Variants in ZHX2 observed in about 807,000 individuals in gnomAD.
The protein encoded by ZHX2 is zinc fingers and homeoboxes 2, also known as zinc fingers and homeoboxes protein 2.
A neutral mutation model predicts 21.9 loss-of-function variants in ZHX2; 6 were observed. The ratio of observed to expected loss-of-function variants is 0.27; its 90% CI spans 0.15 to 0.54. ZHX2 has a LOEUF of 0.54. ZHX2 is among the 20% of genes least tolerant of loss of function. The pLI is 0.95. For synonymous variants in ZHX2, 434 were observed against 437.1 expected (o/e 0.99, Z 0.09); for missense variants, 908 against 1,090.7 (o/e 0.83, Z 2.36).
chr8:122,800,335 G>C (rs902338754), intron 1 of ZHX2, among the ~76,000 whole-genome samples: 4 of 152,170 alleles, frequency 2.6e-5, no homozygotes, highest in African/African-American at 4.8e-5. Context: ...CTGGGTTCAC[G>C]TAGTAGCTAT....
chr8:122,940,860 A>T (rs1812824656), intron 2 of ZHX2, among the ~76,000 whole-genome samples: 1 of 152,026 alleles, frequency 6.6e-6, no homozygotes, highest in Admixed American at 6.6e-5. Context: ...AAGCCATCGA[A>T]CCTCTCTGAG....
At chr8:122,891,842 A>G (rs1056565514) in intron 2 of ZHX2, among the ~76,000 whole-genome samples, 1 of 152,214 alleles carries the variant, frequency 6.6e-6, no homozygotes, top group Non-Finnish European at 1.5e-5. Context: ...GGCCTAATGT[A>G]TGGTCTATCC....
chr8:122,876,105 A>C (rs1586351340), intron 2 of ZHX2, among the ~76,000 whole-genome samples: 2 of 96,062 alleles, frequency 2.1e-5, no homozygotes, highest in Admixed American at 1.4e-4. Flanking sequence ...CCACCTACTC[A>C]CTCATCCATC....
chr8:122,938,455 G>T (rs1279145027), intron 2 of ZHX2, among the ~76,000 whole-genome samples: 1 of 152,122 alleles, frequency 6.6e-6, no homozygotes, highest in Non-Finnish European at 1.5e-5. Context: ...CTTTGGGATG[G>T]ATGAGTTCAC....
chr8:122,901,695 G>A (rs575182638), intron 2 of ZHX2, among the ~76,000 whole-genome samples: 7 of 152,212 alleles, frequency 4.6e-5, no homozygotes, highest in East Asian at 3.9e-4. Context: ...ATTTGGGGCC[G>A]GTTAGTTCTT....
In ZHX2 at chr8:122,884,746, C is replaced by G. The variant is rs909661039; in HGVS notation, c.-220+21207C>G. Among the ~76,000 whole-genome samples the G allele has an allele frequency of 7.9e-5, 12 of 152,254 alleles. No individual in the cohort carries two copies. In the South Asian group the frequency reaches 2.3e-3, roughly 29 times the overall value. The stretch of plus-strand genomic sequence containing the variant: ...GCAGGGTGCAGTGGGCCAAGCAGAC[C>G]TGTGGGAGCATGTGAGCCCGGTCCA... On this transcript the variant is annotated intron_variant, in intron 2 of 3. Coordinates refer to ENST00000314393, the MANE Select transcript of ZHX2 (RefSeq NM_014943.5).
At chr8:122,931,764 C>A (rs1262500969) in intron 2 of ZHX2, among the ~76,000 whole-genome samples, 1 of 152,140 alleles carries the variant, frequency 6.6e-6, no homozygotes. Flanking sequence ...GGCCTGAGCA[C>A]CAGGATATTT....
intron 1 of ZHX2, among the ~76,000 whole-genome samples, chr8:122,845,627 G>C (rs1818735757): frequency 6.6e-6 from 1 of 152,228 alleles, no homozygotes; most frequent in Non-Finnish European, 1.5e-5. Flanking sequence ...ACAAGAGTGT[G>C]AACACAAAAG....
At chr8:122,887,051 G>A (rs568008308) in intron 2 of ZHX2, among the ~76,000 whole-genome samples, 293 of 1,416 alleles carry the variant, frequency 0.21, 3 homozygotes, top group African/African-American at 0.41. Context: ...CTCTGCCACC[G>A]TGTGTGTGTG....
chr8:122,868,371 G>A (rs1454611264), intron 2 of ZHX2, among the ~76,000 whole-genome samples: 1 of 152,150 alleles, frequency 6.6e-6, no homozygotes, highest in Non-Finnish European at 1.5e-5. Context: ...ATCAAGGCCG[G>A]GCACAGAGGC....
intron 1 of ZHX2, among the ~76,000 whole-genome samples, chr8:122,824,302 T>C (rs1046075567): frequency 6.6e-6 from 1 of 152,196 alleles, no homozygotes; most frequent in African/African-American, 2.4e-5. Context: ...CTCAGCTCCA[T>C]GAGGACAGAG....
intron 2 of ZHX2, among the ~76,000 whole-genome samples, chr8:122,935,751 T>G (rs1360752458): frequency 6.6e-5 from 10 of 151,870 alleles, no homozygotes; most frequent in Admixed American, 3.3e-4. Flanking sequence ...TAGCCAGGAT[T>G]GTCTCGATCT....
At chr8:122,896,972 T>C (rs1820113759) in intron 2 of ZHX2, among the ~76,000 whole-genome samples, 1 of 152,208 alleles carries the variant, frequency 6.6e-6, no homozygotes, top group Non-Finnish European at 1.5e-5. Context: ...TGGGGATAAA[T>C]ATACTATTAA....
intron 2 of ZHX2, among the ~76,000 whole-genome samples, chr8:122,891,283 T>C (rs371545247): frequency 5.7e-5 from 3 of 52,468 alleles, no homozygotes; most frequent in African/African-American, 2.3e-4. Context: ...TGTGTGTGTG[T>C]GTGTGTGTGT....
chr8:122,953,020 G>A lies in ZHX2; in HGVS notation c.1510G>A (p.Glu504Lys), dbSNP rs200660453. The A allele has an allele frequency of 4.6e-4, 739 of 1,613,886 alleles. 4 individuals are homozygous for A. The highest frequency in any genetic ancestry group is 1.2e-4 in the African/African-American group (9 of 75,000). The change falls in exon 3 of 4, where the codon GAA becomes AAA. Residue 504 changes from glutamate (E) to lysine (K), a missense_variant. This residue lies in a region of ZHX2 where 232 missense variants were observed against 361.8 expected (regional missense o/e 0.64). Transcript: ENST00000314393. The surrounding 1 kb of genome is among the most constrained non-coding windows in gnomAD (Gnocchi z 4.6). The stretch of plus-strand genomic sequence containing the variant: ...AAGGGGCATCGTCCACATCACCAGC[G>A]AATCCCTTGCCAAAGACCAGTTGGC... ...CQRGIVHITSESLAKDQLAIA... is the reference protein window; with the variant it reads ...CQRGIVHITSKSLAKDQLAIA...
intron 1 of ZHX2, among the ~76,000 whole-genome samples, chr8:122,853,470 C>T (rs1394930564): frequency 6.6e-6 from 1 of 152,156 alleles, no homozygotes. Flanking sequence ...TGGATAAAAC[C>T]TTCTGGAACT....
At chr8:122,802,315 G>A (rs1484530601) in intron 1 of ZHX2, among the ~76,000 whole-genome samples, 2 of 152,094 alleles carry the variant, frequency 1.3e-5, no homozygotes, top group South Asian at 2.1e-4. Context: ...CACCCACCTC[G>A]GCCTCCCAAA....
intron 2 of ZHX2, among the ~76,000 whole-genome samples, chr8:122,901,337 T>G (rs1364123423): frequency 2.6e-5 from 4 of 152,208 alleles, no homozygotes; most frequent in African/African-American, 9.7e-5. Context: ...GGGGGTGTCC[T>G]AAAAATGCAG....
intron 3 of ZHX2, among the ~76,000 whole-genome samples, chr8:122,966,414 CTT>C (rs1813586902): frequency 6.6e-6 from 1 of 152,288 alleles, no homozygotes; most frequent in Admixed American, 6.5e-5. Context: ...ATTTATCAAA[CTT>C]AGTTTCACTG....
Sources: allele counts gnomAD v4.1 joint callset (sites outside exome capture counted in the v4.1 genomes callset), GRCh38; gene constraint gnomAD v4.1.1; regional missense constraint gnomAD v4.1.1; non-coding constraint Gnocchi (gnomAD v3.1); transcripts MANE v1.5; gene names NCBI Gene and HGNC (gene_info 2026-07-23, HGNC 2026-07-21).